Variants in RNF111 observed in about 807,000 individuals in gnomAD.
RNF111 encodes the protein E3 ubiquitin-protein ligase Arkadia.
RNF111 carries 17 observed loss-of-function variants against 95.1 expected under a neutral mutation model. That is an observed-to-expected ratio of 0.18 (90% CI 0.12 to 0.27). The LOEUF (loss-of-function observed/expected upper bound fraction) is 0.27, where lower values mean the gene tolerates loss of function less well. Ranked by LOEUF, RNF111 falls within the 10% of genes least tolerant of loss-of-function variation. RNF111 has a pLI of 1.00. For missense variants in RNF111, 1,189 were observed against 1,210.4 expected, an observed-to-expected ratio of 0.98 and a Z score of 0.26; for synonymous variants, 440 against 414.8, an observed-to-expected ratio of 1.06 and a Z score of -0.74.
rs2042035155 is a variant in RNF111 at position 59,052,573 on chromosome 15, T to A, written c.1007+142T>A. On this transcript the variant is annotated intron_variant, in intron 3 of 13. Coordinates refer to ENST00000348370, the MANE Select transcript of RNF111 (RefSeq NM_017610.8). ...ATGCATATATCAGATTAGTGGATTT[T>A]TTTTTTTTTTTTTTTTTTGGTAAGA... 6.7e-6 allele frequency: 3 copies of A among 445,676 alleles called. No individual in the cohort carries two copies. In the South Asian group the frequency reaches 1.8e-4, roughly 27 times the overall value. The allele number at this position is 445,676 out of a possible 1,614,324, so 27.6% of individuals were successfully genotyped here. A position where few individuals can be genotyped will look rare whatever the true frequency, so the allele number is the denominator to read the frequency against.
chr15:59,076,311 T>G (rs4775115), intron 7 of RNF111, 96 bp downstream of exon 7: 426,524 of 1,395,626 alleles, frequency 0.31, 66,210 homozygotes, highest in Admixed American at 0.45. Context: ...GTTCTTAAAT[T>G]TTTAGTATTT....
rs556826961 is a variant in RNF111 at position 59,052,186 on chromosome 15, C to T, written c.881-119C>T. The T allele has an allele frequency of 4.5e-6, 4 of 891,622 alleles. No individual in the cohort carries two copies. In the African/African-American group the frequency reaches 5.2e-5, roughly 12 times the overall value. 55.2% of individuals were successfully genotyped at this position (891,622 alleles called of 1,614,324 possible). On this transcript the variant is annotated intron_variant, in intron 2 of 13. Transcript: ENST00000348370. ...GTATTTTTTTAAAAAACCTTTTTGA[C>T]AGATAAGATTTTTATTTTTGCAATG...
At chr15:59,012,763 G>C (rs1479320080) in intron 1 of RNF111, among the ~76,000 whole-genome samples, 1 of 145,048 alleles carries the variant, frequency 6.9e-6, no homozygotes, top group Non-Finnish European at 1.5e-5. Flanking sequence ...TTTTGAGACA[G>C]AGTCTTGCTT....
rs1024134859 is a variant in RNF111 at position 59,096,106 on chromosome 15, T to C, written c.*1206T>C. 1.8e-5 allele frequency: 7 copies of C among 398,462 alleles called. No individual in the cohort carries two copies. Among genetic ancestry groups the C allele is most frequent in the African/African-American group, 1.4e-4 (7 of 48,612 alleles). 24.7% of individuals were successfully genotyped at this position (398,462 alleles called of 1,614,324 possible). A position where few individuals can be genotyped will look rare whatever the true frequency, so the allele number is the denominator to read the frequency against. On this transcript the variant is annotated 3_prime_UTR_variant, in exon 14 of 14. Coordinates refer to ENST00000348370, the MANE Select transcript of RNF111 (RefSeq NM_017610.8). Reference sequence around the variant, plus strand: ...CAAGAGTCGATCACTGATTTAAAATTTTTAATTTCTATAGTTAAGATTTAC... The same window carrying C: ...CAAGAGTCGATCACTGATTTAAAATCTTTAATTTCTATAGTTAAGATTTAC...
chr15:59,015,901 G>C (rs1012401536), intron 1 of RNF111, among the ~76,000 whole-genome samples: 1 of 151,958 alleles, frequency 6.6e-6, no homozygotes, highest in Admixed American at 6.6e-5. Flanking sequence ...GCCCAGGTTG[G>C]AGTGCAGTGG....
At chr15:59,089,158 A>C (rs1173840684) in intron 10 of RNF111, among the ~76,000 whole-genome samples, 1 of 152,164 alleles carries the variant, frequency 6.6e-6, no homozygotes, top group African/African-American at 2.4e-5. Context: ...AGTAAATTTT[A>C]GCCTGTGGGT....
At chr15:59,056,289 T>G (rs1267385554) in intron 4 of RNF111, among the ~76,000 whole-genome samples, 1 of 152,190 alleles carries the variant, frequency 6.6e-6, no homozygotes, top group Non-Finnish European at 1.5e-5. Flanking sequence ...ATCGGTACCT[T>G]TTTGTGCTGC....
chr15:59,089,210 G>A (rs1318008176), intron 10 of RNF111, among the ~76,000 whole-genome samples: 1 of 152,062 alleles, frequency 6.6e-6, no homozygotes, highest in Non-Finnish European at 1.5e-5. Flanking sequence ...AAGATTGACT[G>A]TAACTAACAA....
chr15:58,997,040 C>T lies in RNF111; in HGVS notation c.-20+8972C>T, dbSNP rs148044390. Among the ~76,000 whole-genome samples the T allele has an allele frequency of 7.1e-4, 108 of 151,968 alleles. 1 individual carries two copies. Among genetic ancestry groups the T allele is most frequent in the Middle Eastern group, 3.4e-3 (1 of 294 alleles). On this transcript the variant is annotated intron_variant, in intron 1 of 13. Coordinates refer to ENST00000348370, the MANE Select transcript of RNF111 (RefSeq NM_017610.8). ...GTGTACTTATATTTCTACTAATATG[C>T]TTAATTTTTACTTAGTTTTCATGTC...
rs773820641 is a variant in RNF111 at position 59,058,349 on chromosome 15, T to G, written c.1172-7T>G. The G allele has an allele frequency of 6.2e-6, 10 of 1,611,988 alleles. No individual in the cohort carries two copies. The South Asian group carries it at 8.8e-5, about 14-fold the overall frequency. On this transcript the variant is annotated splice_region_variant and splice_polypyrimidine_tract_variant and intron_variant, in intron 4 of 13. Transcript: ENST00000348370. ...GAAATGCTAAGTTGACATTTTGTATTTTGTAGAACCTACTGTAGTACCAAC... is the reference window on the plus strand; with the variant it reads ...GAAATGCTAAGTTGACATTTTGTATGTTGTAGAACCTACTGTAGTACCAAC...
chr15:59,050,481 T>G (rs1341968348), intron 2 of RNF111: 1 of 152,198 alleles, frequency 6.6e-6, no homozygotes, highest in East Asian at 1.9e-4. Context: ...AAAAAACTAT[T>G]TTAAAAAGTA....
chr15:59,076,263 GCATTTT>G, intron 7 of RNF111, 48 bp downstream of exon 7: 6 of 1,579,162 alleles, frequency 3.8e-6, no homozygotes, highest in Non-Finnish European at 5.2e-6. Context: ...TGTCAATGAA[GCATTTT>G]GTACTTCCTT....
intron 1 of RNF111, among the ~76,000 whole-genome samples, chr15:58,997,335 C>G (rs932044792): frequency 6.6e-5 from 10 of 152,104 alleles, no homozygotes; most frequent in Admixed American, 5.9e-4. Context: ...CAGGTTGAAA[C>G]TATTTCAGAA....
chr15:59,030,545 T>C (rs2141756075), intron 1 of RNF111, among the ~76,000 whole-genome samples: 1 of 152,314 alleles, frequency 6.6e-6, no homozygotes. Context: ...GATCAGTTTT[T>C]GGTTAATAGA....
chr15:59,085,217 A>G (rs1490510664), intron 9 of RNF111, among the ~76,000 whole-genome samples: 1 of 152,256 alleles, frequency 6.6e-6, no homozygotes, highest in East Asian at 1.9e-4. Context: ...CCCTTCTTTT[A>G]TAAGGTGTAG....
chr15:59,090,520 G>A (rs1198272079), intron 11 of RNF111, among the ~76,000 whole-genome samples: 1 of 152,122 alleles, frequency 6.6e-6, no homozygotes, highest in Non-Finnish European at 1.5e-5. Context: ...GCAAGCCACC[G>A]CACCCGGCCC....
chr15:58,989,448 T>G (rs954088032), intron 1 of RNF111, among the ~76,000 whole-genome samples: 3 of 152,214 alleles, frequency 2.0e-5, no homozygotes, highest in Admixed American at 1.3e-4. Flanking sequence ...TGAGGGTGTT[T>G]ATAAATCTAA....
At chr15:59,094,683 T>C in intron 13 of RNF111, 100 bp from the exon 14 acceptor site, 3 of 713,392 alleles carry the variant, frequency 4.2e-6, no homozygotes, top group Non-Finnish European at 7.5e-6. Context: ...AGATGCTTAG[T>C]ACCTTCAAAA....
intron 3 of RNF111, among the ~76,000 whole-genome samples, chr15:59,054,951 A>G (rs1366856650): frequency 1.3e-5 from 2 of 152,222 alleles, no homozygotes; most frequent in Admixed American, 6.5e-5. Flanking sequence ...TATTCTACAT[A>G]TTATCCCTGT....
Sources: allele counts gnomAD v4.1 joint callset (sites outside exome capture counted in the v4.1 genomes callset), GRCh38; gene constraint gnomAD v4.1.1; transcripts MANE v1.5; gene names NCBI Gene and HGNC (gene_info 2026-07-23, HGNC 2026-07-21).